The following HIVEP3 variants were observed in gnomAD, a reference collection of about 807,000 sequenced individuals.
HIVEP3 encodes the protein HIVEP zinc finger 3.
Under a neutral mutation model 152.8 loss-of-function variants are expected in HIVEP3, and 49 were observed. The ratio of observed to expected loss-of-function variants is 0.32; its 90% CI spans 0.26 to 0.41. The LOEUF (loss-of-function observed/expected upper bound fraction) is 0.41. Ranked by LOEUF, HIVEP3 falls within the 10% of genes least tolerant of loss-of-function variation. The pLI is 1.00. For synonymous variants in HIVEP3, 1,269 were observed against 1,289.0 expected (o/e 0.98, Z 0.33); for missense variants, 2,790 against 3,103.3 (o/e 0.90, Z 2.40).
In HIVEP3 at chr1:41,583,185, A is replaced by G. The variant is rs755324801; in HGVS notation, c.1613T>C (p.Leu538Pro). Residue 538 changes from leucine to proline, a missense_variant, in exon 4 of 9, where the codon CTG (leucine) becomes CCG (proline). Coordinates refer to ENST00000372583, the MANE Select transcript of HIVEP3 (RefSeq NM_024503.5). This position sits in a 1 kb window ranked among gnomAD's most constrained non-coding sequence, Gnocchi z 6.9. ...GGCAGAAGGCATTGAGTGGCTTCTCAGGAGAGGCACAGGGGGGGCGGTACT... is the reference window on the plus strand; with the variant it reads ...GGCAGAAGGCATTGAGTGGCTTCTCGGGAGAGGCACAGGGGGGGCGGTACT... ...PPSTAPPVPL[L>P]RSHSMPSAAC... 3 of 1,591,296 alleles carry G rather than the reference A, an allele frequency of 1.9e-6. No individual in the cohort carries two copies. The highest frequency in any genetic ancestry group is 2.6e-6 in the Non-Finnish European group (3 of 1,161,498).
chr1:41,706,213 CT>C (rs1259302493), intron 1 of HIVEP3, among the ~76,000 whole-genome samples: 1 of 152,204 alleles, frequency 6.6e-6, no homozygotes, highest in East Asian at 1.9e-4. Flanking sequence ...ACCCCCTTTC[CT>C]CCCTGTCCCC....
At chr1:41,623,661 G>A (rs941113668) in intron 3 of HIVEP3, among the ~76,000 whole-genome samples, 2 of 152,158 alleles carry the variant, frequency 1.3e-5, no homozygotes, top group African/African-American at 2.4e-5. Context: ...TCCTGGGTCT[G>A]TGGGCTTTGC....
intron 2 of HIVEP3, among the ~76,000 whole-genome samples, chr1:41,647,163 T>C (rs1430079269): frequency 1.3e-5 from 2 of 152,162 alleles, no homozygotes; most frequent in Admixed American, 6.5e-5. Context: ...TCTGCTACCT[T>C]CCCTCCCCTT....
At chr1:41,890,964 G>A (rs1221558920) in intron 1 of HIVEP3, among the ~76,000 whole-genome samples, 5 of 152,158 alleles carry the variant, frequency 3.3e-5, no homozygotes, top group South Asian at 2.1e-4. Flanking sequence ...GCCTCTCTAC[G>A]GTCCTGCTTC....
At chr1:41,720,162 C>G (rs748106894) in intron 1 of HIVEP3, among the ~76,000 whole-genome samples, 2 of 152,164 alleles carry the variant, frequency 1.3e-5, no homozygotes, top group Non-Finnish European at 2.9e-5. Context: ...TCGCAGATGC[C>G]AAAAAGTCAT....
At chr1:41,601,049 T>C (rs766041814) in intron 3 of HIVEP3, among the ~76,000 whole-genome samples, 2 of 152,312 alleles carry the variant, frequency 1.3e-5, no homozygotes, top group Non-Finnish European at 1.5e-5. Flanking sequence ...GCACCCGTGT[T>C]GAAGATCAGT....
chr1:41,839,385 C>T lies in HIVEP3; in HGVS notation c.-801+79028G>A, dbSNP rs192075879. ...CTGGGGTTCCTTCTGGTTCTAAAGA[C>T]CTGCAGTCCTAAGTTCTCAGCTCAC... On this transcript the variant is annotated intron_variant, in intron 1 of 8. Coordinates refer to ENST00000372583, the MANE Select transcript of HIVEP3 (RefSeq NM_024503.5). 1.6e-3 allele frequency among the ~76,000 whole-genome samples: 248 copies of T among 152,306 alleles called. 3 individuals are homozygous for T. Among genetic ancestry groups the T allele is most frequent in the Middle Eastern group, 0.014 (4 of 294 alleles).
At chr1:41,856,942 T>C (rs944678788) in intron 1 of HIVEP3, among the ~76,000 whole-genome samples, 2 of 152,210 alleles carry the variant, frequency 1.3e-5, no homozygotes, top group Non-Finnish European at 2.9e-5. Flanking sequence ...TGATCATTAC[T>C]GCTGCGGCTC....
Position 41,584,822 on chromosome 1 carries a change from T to C in HIVEP3, c.-25A>G, listed in dbSNP as rs1644480187. 1 of 1,486,676 alleles carries C rather than the reference T, an allele frequency of 6.7e-7. No individual in the cohort carries two copies. Among genetic ancestry groups the C allele is most frequent in the Non-Finnish European group, 9.0e-7 (1 of 1,116,888 alleles). 92.1% of individuals were successfully genotyped at this position (1,486,676 alleles called of 1,614,324 possible). On this transcript the variant is annotated 5_prime_UTR_variant, in exon 4 of 9. The change creates a new upstream start codon in the 5' untranslated region. Coordinates refer to ENST00000372583, the MANE Select transcript of HIVEP3 (RefSeq NM_024503.5). This position sits in a 1 kb window ranked among gnomAD's most constrained non-coding sequence, Gnocchi z 5.2. ...TGACCTTCACAAAGACTTCAGATGC[T>C]ATTCAGGGAGAGTCAGGGCGGGCTG... is the stretch of plus-strand genomic sequence containing the variant.
chr1:41,537,178 G>A (rs1159037866), intron 5 of HIVEP3, among the ~76,000 whole-genome samples: 1 of 152,094 alleles, frequency 6.6e-6, no homozygotes, highest in Non-Finnish European at 1.5e-5. Flanking sequence ...TTCTTAATCT[G>A]AGATTCTATG....
In HIVEP3 at chr1:41,510,644, G is replaced by C; in HGVS notation, c.7028C>G (p.Pro2343Arg). The C allele has an allele frequency of 6.5e-7, 1 of 1,541,200 alleles. No individual in the cohort carries two copies. Residue 2343 changes from proline (P) to arginine (R), a missense_variant, in exon 9 of 9, where the codon CCT becomes CGT. This residue lies in a region of HIVEP3 where 816 missense variants were observed against 806.5 expected (regional missense o/e 1.01). Transcript: ENST00000372583. ...GCGGTCCAGCGGCGGGGTGGCAGAA[G>C]GCTCGGGGTTGGTCGGTGCACGCGG... ...ESPRAPTNPE[P>R]SATPPLDRSS...
At chr1:41,626,638 G>T (rs1349876269) in intron 3 of HIVEP3, among the ~76,000 whole-genome samples, 4 of 152,120 alleles carry the variant, frequency 2.6e-5, no homozygotes, top group African/African-American at 9.7e-5. Flanking sequence ...TACACCTCAT[G>T]GAATGAACCC....
upstream of HIVEP3, among the ~76,000 whole-genome samples, chr1:41,920,577 GTT>G (rs10708045): frequency 9.5e-3 from 1,176 of 123,216 alleles, 5 homozygotes; most frequent in Non-Finnish European, 0.017. Flanking sequence ...AAACAAGATG[GTT>G]TTTTTTTTTT....
chr1:41,576,643 G>C (rs1276197822), intron 4 of HIVEP3, among the ~76,000 whole-genome samples: 1 of 152,164 alleles, frequency 6.6e-6, no homozygotes, highest in African/African-American at 2.4e-5. Flanking sequence ...GGCAATCTAA[G>C]AACGGCAGTC....
Position 41,874,796 on chromosome 1 carries a change from C to T in HIVEP3, c.-801+43617G>A, listed in dbSNP as rs558568252. On this transcript the variant is annotated intron_variant, in intron 1 of 8. Coordinates refer to ENST00000372583, the MANE Select transcript of HIVEP3 (RefSeq NM_024503.5). ...CAGAGGCCCTGAGGGATTTAGTTAG[C>T]GGTCTCCAAGTGCCAGTCCCTGAGG... Among the ~76,000 whole-genome samples the T allele has an allele frequency of 7.9e-5, 12 of 152,286 alleles. No individual in the cohort carries two copies. The East Asian group carries it at 1.2e-3, about 15-fold the overall frequency.
chr1:41,873,773 A>C lies in HIVEP3; in HGVS notation c.-801+44640T>G, dbSNP rs1177881679. The stretch of plus-strand genomic sequence containing the variant: ...AGGATTAGAATTCCTCATATCAGAG[A>C]ATCCCAGAGCTTTGAAGCTTTAAAG... On this transcript the variant is annotated intron_variant, in intron 1 of 8. Transcript: ENST00000372583. The surrounding 1 kb of genome is among the most constrained non-coding windows in gnomAD (Gnocchi z 4.2). Among the ~76,000 whole-genome samples, 1 of 152,232 alleles carries C rather than the reference A, an allele frequency of 6.6e-6. No homozygotes were observed. Among genetic ancestry groups the C allele is most frequent in the Non-Finnish European group, 1.5e-5 (1 of 68,030 alleles).
At chr1:41,775,012 A>G (rs1648607243) in intron 1 of HIVEP3, among the ~76,000 whole-genome samples, 1 of 152,052 alleles carries the variant, frequency 6.6e-6, no homozygotes, top group South Asian at 2.1e-4. Flanking sequence ...GATGTTGCCC[A>G]GGCTGGTCTT....
chr1:41,746,484 G>C (rs1440796523), intron 1 of HIVEP3, among the ~76,000 whole-genome samples: 1 of 152,144 alleles, frequency 6.6e-6, no homozygotes, highest in African/African-American at 2.4e-5. Context: ...AGAATCTAAG[G>C]CACTTAAATG....
At chr1:41,782,105 A>G (rs1203424391) in intron 1 of HIVEP3, among the ~76,000 whole-genome samples, 1 of 152,190 alleles carries the variant, frequency 6.6e-6, no homozygotes, top group Non-Finnish European at 1.5e-5. Flanking sequence ...ATATATGCAC[A>G]CTCCAGATAG....
Sources: gnomAD v4.1 joint callset for allele counts (sites outside exome capture counted in the v4.1 genomes callset) on GRCh38, gnomAD v4.1.1 for gene constraint, gnomAD v4.1.1 regional missense constraint, Gnocchi (gnomAD v3.1) non-coding constraint, MANE v1.5 for transcripts, NCBI Gene and HGNC (gene_info 2026-07-23, HGNC 2026-07-21) for gene names.